ARHGAP10: variants seen among roughly 807,000 people sequenced by gnomAD.
ARHGAP10 encodes the protein rho GTPase-activating protein 10.
Under a neutral mutation model 108.6 loss-of-function variants are expected in ARHGAP10, and 87 were observed. That is an observed-to-expected ratio of 0.80 (90% CI 0.67 to 0.96). The LOEUF (loss-of-function observed/expected upper bound fraction) is 0.96, where lower values mean the gene tolerates loss of function less well. ARHGAP10 is among the 40% of genes least tolerant of loss of function. ARHGAP10 has a pLI of 0.00. For missense variants in ARHGAP10, 939 were observed against 954.5 expected (o/e 0.98, Z 0.21); for synonymous variants, 347 against 341.1 (o/e 1.02, Z -0.19).
chr4:147,831,955 A>T (rs1001099853), intron 3 of ARHGAP10, among the ~76,000 whole-genome samples: 1 of 152,148 alleles, frequency 6.6e-6, no homozygotes, highest in African/African-American at 2.4e-5. Flanking sequence ...GTGGCCTTCC[A>T]GCCTTGTCAT....
intron 17 of ARHGAP10, among the ~76,000 whole-genome samples, chr4:147,965,933 T>C (rs2126997945): frequency 6.6e-6 from 1 of 152,314 alleles, no homozygotes; most frequent in East Asian, 1.9e-4. Flanking sequence ...GGACAGAATA[T>C]ATTGAGTGTG....
At chr4:148,002,052 A>G (rs1384326212) in intron 18 of ARHGAP10, among the ~76,000 whole-genome samples, 1 of 152,166 alleles carries the variant, frequency 6.6e-6, no homozygotes, top group African/African-American at 2.4e-5. Flanking sequence ...CTGTGGGTTT[A>G]TCAGAAATAG....
At chr4:147,733,093 G>A (rs1392525134) in intron 1 of ARHGAP10, among the ~76,000 whole-genome samples, 1 of 152,124 alleles carries the variant, frequency 6.6e-6, no homozygotes, top group Non-Finnish European at 1.5e-5. Context: ...TTGGGGTTTG[G>A]AAGGGTGAGC....
chr4:147,956,339 G>C (rs951529604), intron 16 of ARHGAP10, among the ~76,000 whole-genome samples: 3 of 152,088 alleles, frequency 2.0e-5, no homozygotes, highest in Admixed American at 2.0e-4. Flanking sequence ...TTCTTGTGAG[G>C]TCCTTGCTCC....
chr4:147,840,017 T>C (rs1368988681), intron 3 of ARHGAP10, among the ~76,000 whole-genome samples: 1 of 152,202 alleles, frequency 6.6e-6, no homozygotes, highest in Non-Finnish European at 1.5e-5. Context: ...TACTTTGTAC[T>C]TCTGTGTCTC....
intron 20 of ARHGAP10, among the ~76,000 whole-genome samples, chr4:148,053,068 A>T (rs1188542308): frequency 6.6e-6 from 1 of 152,124 alleles, no homozygotes; most frequent in Non-Finnish European, 1.5e-5. Context: ...TTTGTAGATG[A>T]CGTTTCATCT....
chr4:147,872,121 G>C (rs1461694419), intron 7 of ARHGAP10, among the ~76,000 whole-genome samples: 2 of 133,914 alleles, frequency 1.5e-5, no homozygotes, highest in South Asian at 2.3e-4. Context: ...AAAAAAAAAA[G>C]CCTTCCATTC....
At position 147,809,480 on chromosome 4, in the gene ARHGAP10, A is replaced by C. The variant is rs547534372; in HGVS notation, c.155-13247A>C. Among the ~76,000 whole-genome samples, 28 of 152,186 alleles carry C rather than the reference A, an allele frequency of 1.8e-4. 1 individual carries two copies. In the South Asian group the frequency reaches 5.6e-3, roughly 30 times the overall value. The stretch of plus-strand genomic sequence containing the variant: ...AATATTTGATTCATTATTTTCCTTC[A>C]CTGCAATTCAACATGTAAACTCCAA... On this transcript the variant is annotated intron_variant, in intron 1 of 22. Coordinates refer to ENST00000336498, the MANE Select transcript of ARHGAP10 (RefSeq NM_024605.4).
intron 1 of ARHGAP10, among the ~76,000 whole-genome samples, chr4:147,783,464 T>C (rs899726486): frequency 2.7e-5 from 4 of 145,602 alleles, no homozygotes; most frequent in Non-Finnish European, 6.0e-5. Flanking sequence ...CATTAAATTA[T>C]GTATTGTATA....
intron 1 of ARHGAP10, among the ~76,000 whole-genome samples, chr4:147,798,296 AC>A (rs1481118584): frequency 2.0e-5 from 3 of 152,160 alleles, no homozygotes; most frequent in Non-Finnish European, 2.9e-5. Context: ...TGGCTGTGTT[AC>A]TTATACAACA....
At position 147,966,693 on chromosome 4, in the gene ARHGAP10, T is replaced by TCCAAGCAG; in HGVS notation, c.1571_1578dup (p.Asn527ProfsTer5). 1 of 1,578,144 alleles carries TCCAAGCAG rather than the reference T, an allele frequency of 6.3e-7. No individual in the cohort carries two copies. The highest frequency in any genetic ancestry group is 8.6e-7 in the Non-Finnish European group (1 of 1,158,170). On this transcript the variant is annotated frameshift_variant, in exon 18 of 23. Transcript: ENST00000336498. LOFTEE classifies it high-confidence loss of function. ...TACCAATTTCAGTGTTTCAAATCAC[T>TCCAAGCAG]CCAAGCAGAACCTGATGACTGTGGC...
At chr4:147,919,376 C>T (rs770328120) in intron 13 of ARHGAP10, among the ~76,000 whole-genome samples, 1 of 152,154 alleles carries the variant, frequency 6.6e-6, no homozygotes. Context: ...GTAGTTTGCT[C>T]ATGATGTTTT....
At chr4:147,928,330 CA>C (rs1737541870) in intron 13 of ARHGAP10, among the ~76,000 whole-genome samples, 1 of 152,292 alleles carries the variant, frequency 6.6e-6, no homozygotes. Flanking sequence ...ATGTGACAGA[CA>C]ACCCCAGTGG....
intron 7 of ARHGAP10, among the ~76,000 whole-genome samples, chr4:147,867,302 C>G (rs1248080181): frequency 6.6e-6 from 1 of 152,094 alleles, no homozygotes; most frequent in African/African-American, 2.4e-5. Flanking sequence ...TCTGCCAGGT[C>G]TCGGATAAAG....
intron 3 of ARHGAP10, among the ~76,000 whole-genome samples, chr4:147,837,431 G>A (rs1443198530): frequency 6.6e-6 from 1 of 152,104 alleles, no homozygotes; most frequent in Non-Finnish European, 1.5e-5. Context: ...AAGGGTATTG[G>A]GTTTCTTGTA....
At chr4:148,054,713 T>G (rs1415202997) in intron 20 of ARHGAP10, among the ~76,000 whole-genome samples, 7 of 152,212 alleles carry the variant, frequency 4.6e-5, no homozygotes, top group Non-Finnish European at 1.0e-4. Flanking sequence ...CCTCTGAGAA[T>G]AGACCCTTGG....
intron 1 of ARHGAP10, among the ~76,000 whole-genome samples, chr4:147,796,021 GT>G (rs958627568): frequency 2.0e-5 from 3 of 151,952 alleles, no homozygotes; most frequent in Admixed American, 2.0e-4. Flanking sequence ...ACAATATTAT[GT>G]TTTTTTGCTT....
intron 19 of ARHGAP10, among the ~76,000 whole-genome samples, chr4:148,029,921 G>C (rs967434287): frequency 6.6e-6 from 1 of 152,132 alleles, no homozygotes; most frequent in Non-Finnish European, 1.5e-5. Flanking sequence ...TTGAGTTGTG[G>C]CGTGCCTAGA....
chr4:148,064,481 T>C lies in ARHGAP10; in HGVS notation c.2246T>C (p.Phe749Ser). 1 of 1,614,220 alleles carries C rather than the reference T, an allele frequency of 6.2e-7. No homozygotes were observed. The highest frequency in any genetic ancestry group is 8.5e-7 in the Non-Finnish European group (1 of 1,180,032). ...GCAGAACACAGCTCGGAATTATCTT[T>C]TGAAATAGGAGCAATTTTTGAGGAT... ...CEAEHSSELS[F>S]EIGAIFEDVQ... is the part of the protein sequence containing the mutation. Residue 749 changes from phenylalanine (F) to serine (S), a missense_variant, in exon 22 of 23, where the codon TTT becomes TCT. Coordinates refer to ENST00000336498, the MANE Select transcript of ARHGAP10 (RefSeq NM_024605.4).
Sources: gnomAD v4.1 joint callset for allele counts (sites outside exome capture counted in the v4.1 genomes callset) on GRCh38, gnomAD v4.1.1 for gene constraint, MANE v1.5 for transcripts, NCBI Gene and HGNC (gene_info 2026-07-23, HGNC 2026-07-21) for gene names.